HTT: variants seen among roughly 807,000 people sequenced by gnomAD.
HTT encodes the protein huntingtin.
HTT carries 104 observed loss-of-function variants against 362.3 expected under a neutral mutation model. The ratio of observed to expected loss-of-function variants is 0.29; its 90% CI spans 0.24 to 0.34. The LOEUF (loss-of-function observed/expected upper bound fraction) is 0.34, where lower values mean the gene tolerates loss of function less well. Among genes scored for constraint, HTT ranks in the 10% least tolerant of loss-of-function variants. The pLI is 1.00. For missense variants in HTT, 3,301 were observed against 3,928.6 expected, an observed-to-expected ratio of 0.84 and a Z score of 4.27; for synonymous variants, 1,577 against 1,548.7, an observed-to-expected ratio of 1.02 and a Z score of -0.43.
In HTT at chr4:3,233,175, G is replaced by A; in HGVS notation, c.8278G>A (p.Ala2760Thr). The change falls in exon 61 of 67, where the codon GCG becomes ACG. Residue 2760 changes from alanine to threonine, a missense_variant. Around this residue, in one of 4 missense-constraint regions of HTT, gnomAD observed 753 missense variants for 1,021.3 expected, o/e 0.74. Transcript: ENST00000355072. ...TGTGTGTGCCTAGGACAAGGCCGTG[G>A]CGGAGCCTGTCAGCCGCCTGCTGGA... ...AAVLGMDKAV[A>T]EPVSRLLEST... 1.9e-6 allele frequency: 3 copies of A among 1,588,018 alleles called. No individual in the cohort carries two copies. The highest frequency in any genetic ancestry group is 2.6e-6 in the Non-Finnish European group (3 of 1,159,422).
At position 3,178,323 on chromosome 4, in the gene HTT, A is replaced by G. The variant is rs1578563804; in HGVS notation, c.4489A>G (p.Ile1497Val). ...GGAATCAGAGGCAATCATTCCAAACATCTTTTTCTTCTTGGTATTACTATC... is the reference window on the plus strand; with the variant it reads ...GGAATCAGAGGCAATCATTCCAAACGTCTTTTTCTTCTTGGTATTACTATC... ...FRESEAIIPN[I>V]FFFLVLLSYE... Residue 1497 changes from isoleucine to valine, a missense_variant, in exon 35 of 67, where the codon ATC (isoleucine) becomes GTC (valine). Physicochemically the swap from Ile to Val is conservative, Grantham distance 29. Around this residue, in one of 4 missense-constraint regions of HTT, gnomAD observed 2,316 missense variants for 2,658.5 expected, o/e 0.87. Coordinates refer to ENST00000355072, the MANE Select transcript of HTT (RefSeq NM_001388492.1). The G allele has an allele frequency of 6.2e-7, 1 of 1,610,516 alleles. No individual in the cohort carries two copies. Among genetic ancestry groups the G allele is most frequent in the South Asian group, 1.1e-5 (1 of 90,792 alleles).
At chr4:3,128,099 A>G (rs545310329) in intron 12 of HTT, among the ~76,000 whole-genome samples, 1 of 151,348 alleles carries the variant, frequency 6.6e-6, no homozygotes, top group East Asian at 2.0e-4. Flanking sequence ...CACTCAGCTA[A>G]TGTTTGTATT....
chr4:3,188,322 G>A (rs773576884), intron 39 of HTT: 42 of 172,950 alleles, frequency 2.4e-4, no homozygotes, highest in Non-Finnish European at 4.6e-4. Flanking sequence ...CAATAAATAC[G>A]TGTAGTATCA....
chr4:3,208,681 A>G (rs1229570096), intron 45 of HTT, 92 bp from the exon 46 acceptor site: 2 of 1,246,848 alleles, frequency 1.6e-6, no homozygotes, highest in Non-Finnish European at 2.2e-6. Context: ...TAGAGTGTAT[A>G]TTTCTAGAAT....
At chr4:3,199,091 C>T (rs1316892714) in intron 40 of HTT, among the ~76,000 whole-genome samples, 3 of 152,178 alleles carry the variant, frequency 2.0e-5, no homozygotes, top group South Asian at 2.1e-4. Context: ...TGCAGTGATT[C>T]GAGGCGCTGA....
chr4:3,232,007 C>T (rs1721276147), intron 60 of HTT, among the ~76,000 whole-genome samples: 1 of 152,282 alleles, frequency 6.6e-6, no homozygotes, highest in South Asian at 2.1e-4. Flanking sequence ...TGCTTGGTAC[C>T]CACGTATCCA....
chr4:3,112,681 T>C (rs965975565), intron 6 of HTT, among the ~76,000 whole-genome samples: 23 of 152,258 alleles, frequency 1.5e-4, no homozygotes, highest in African/African-American at 5.1e-4. Context: ...TTTCTAGTTC[T>C]TGGCTATTGC....
At chr4:3,086,400 G>T (rs1713209353) in intron 1 of HTT, among the ~76,000 whole-genome samples, 1 of 152,172 alleles carries the variant, frequency 6.6e-6, no homozygotes, top group Non-Finnish European at 1.5e-5. Context: ...GCCAGTCATG[G>T]TGGCTCATAC....
At chr4:3,226,716 A>G (rs760549753) in intron 57 of HTT, among the ~76,000 whole-genome samples, 2 of 152,334 alleles carry the variant, frequency 1.3e-5, no homozygotes, top group African/African-American at 2.4e-5. Context: ...AGAAACACTT[A>G]TGAGCTCTGA....
rs1715722798 is a variant in HTT at position 3,129,946 on chromosome 4, A to G, written c.1766A>G (p.Gln589Arg). ...SEIVLDGTDN[Q>R]YLGLQIGQPQ... is the part of the protein sequence containing the mutation. ...TAGGTGTTAGACGGTACCGACAACC[A>G]GTATTTGGGCCTGCAGATTGGACAG... is the stretch of plus-strand genomic sequence containing the variant. The change falls in exon 13 of 67, where the codon CAG (glutamine) becomes CGG (arginine). Residue 589 changes from glutamine (Q) to arginine (R), a missense_variant. Gln to Arg is a conservative substitution (Grantham distance 43, BLOSUM62 1). Coordinates refer to ENST00000355072, the MANE Select transcript of HTT (RefSeq NM_001388492.1). 4.3e-6 allele frequency: 7 copies of G among 1,614,028 alleles called. No homozygotes were observed. Among genetic ancestry groups the G allele is most frequent in the Middle Eastern group, 1.6e-4 (1 of 6,084 alleles).
intron 35 of HTT, 79 bp from the exon 36 acceptor site, chr4:3,180,436 A>G (rs1318683897): frequency 3.0e-6 from 4 of 1,311,682 alleles, no homozygotes; most frequent in South Asian, 1.5e-5. Flanking sequence ...TCTTGAAAGC[A>G]TTTTGTAGAT....
At chr4:3,133,654 C>T (rs931331298) in intron 18 of HTT, among the ~76,000 whole-genome samples, 1 of 152,096 alleles carries the variant, frequency 6.6e-6, no homozygotes, top group African/African-American at 2.4e-5. Flanking sequence ...TAAGTGATAG[C>T]ATGTTGAACC....
intron 42 of HTT, among the ~76,000 whole-genome samples, chr4:3,205,274 T>C (rs1578586751): frequency 6.6e-6 from 1 of 152,128 alleles, no homozygotes; most frequent in African/African-American, 2.4e-5. Context: ...ATTTAAAACA[T>C]ATGCATTTCT....
intron 41 of HTT, 135 bp from the exon 42 acceptor site, chr4:3,203,872 A>G: frequency 3.8e-6 from 3 of 789,860 alleles, no homozygotes; most frequent in Non-Finnish European, 6.1e-6. Context: ...TTACACATAC[A>G]ACATTCTGAT....
chr4:3,205,835 A>G (rs1425956126), intron 42 of HTT, among the ~76,000 whole-genome samples: 1 of 152,244 alleles, frequency 6.6e-6, no homozygotes, highest in Admixed American at 6.5e-5. Flanking sequence ...TTAACCAAAT[A>G]TCAAGGAATT....
At position 3,180,553 on chromosome 4, in the gene HTT, G is replaced by T. The variant is rs1718466402; in HGVS notation, c.4651G>T (p.Val1551Leu). The T allele has an allele frequency of 6.2e-7, 1 of 1,612,828 alleles. No individual in the cohort carries two copies. Among genetic ancestry groups the T allele is most frequent in the South Asian group, 1.1e-5 (1 of 90,910 alleles). The change falls in exon 36 of 67, where the codon GTA (valine) becomes TTA (leucine). Residue 1551 changes from valine (V) to leucine (L), a missense_variant. Physicochemically the swap from Val to Leu is conservative, Grantham distance 32. Around this residue, in one of 4 missense-constraint regions of HTT, gnomAD observed 2,316 missense variants for 2,658.5 expected, o/e 0.87. Coordinates refer to ENST00000355072, the MANE Select transcript of HTT (RefSeq NM_001388492.1). ...ALQPIVHDLFVLRGTNKADAG... is the reference protein window; with the variant it reads ...ALQPIVHDLFLLRGTNKADAG... ...GCAGCCCATAGTCCACGACCTCTTT[G>T]TATTAAGAGGAACAAATAAAGCTGA...
At chr4:3,129,093 A>G (rs1715669931) in intron 12 of HTT, 1 of 152,186 alleles carries the variant, frequency 6.6e-6, no homozygotes, top group South Asian at 2.1e-4. Flanking sequence ...GAACTTCCTA[A>G]TGTTTCAGGC....
At position 3,086,402 on chromosome 4, in the gene HTT, G is replaced by C. The variant is rs1232852156; in HGVS notation, c.264-537G>C. 3.9e-5 allele frequency among the ~76,000 whole-genome samples: 6 copies of C among 152,168 alleles called. No homozygotes were observed. The East Asian group carries it at 7.7e-4, about 20-fold the overall frequency. On this transcript the variant is annotated intron_variant, in intron 1 of 66. Coordinates refer to ENST00000355072, the MANE Select transcript of HTT (RefSeq NM_001388492.1). ...TGGGGGAAGTGAGGCCAGTCATGGTGGCTCATACCTATAATCCCAGTGCTT... is the reference window on the plus strand; with the variant it reads ...TGGGGGAAGTGAGGCCAGTCATGGTCGCTCATACCTATAATCCCAGTGCTT...
intron 15 of HTT, 57 bp downstream of exon 15, chr4:3,131,454 G>A: frequency 6.7e-7 from 1 of 1,496,938 alleles, no homozygotes; most frequent in Non-Finnish European, 9.3e-7. Context: ...TCAGAGGTCA[G>A]CTTGGTGGCC....
Sources: allele counts gnomAD v4.1 joint callset (sites outside exome capture counted in the v4.1 genomes callset), GRCh38; gene constraint gnomAD v4.1.1; regional missense constraint gnomAD v4.1.1; transcripts MANE v1.5; gene names NCBI Gene and HGNC (gene_info 2026-07-23, HGNC 2026-07-21).